The following NSA2 variants were observed in gnomAD, a reference collection of about 807,000 sequenced individuals.
The protein encoded by NSA2 is NSA2 ribosome biogenesis factor.
A neutral mutation model predicts 34.8 loss-of-function variants in NSA2; 18 were observed. The observed-to-expected ratio is 0.52, with a 90% CI of 0.36 to 0.77. The LOEUF (loss-of-function observed/expected upper bound fraction) is 0.77. NSA2 is among the 30% of genes least tolerant of loss of function. The pLI is 0.00. For missense variants in NSA2, 188 were observed against 314.7 expected (o/e 0.60, Z 3.05); for synonymous variants, 79 against 100.2 (o/e 0.79, Z 1.26).
In NSA2 at chr5:74,776,782, T is replaced by G. The variant is rs1398357097; in HGVS notation, c.*111T>G. The G allele has an allele frequency of 1.6e-6, 1 of 630,052 alleles. No individual in the cohort carries two copies. The highest frequency in any genetic ancestry group is 2.7e-5 in the East Asian group (1 of 37,100). 39.0% of individuals were successfully genotyped at this position (630,052 alleles called of 1,614,324 possible). The stretch of plus-strand genomic sequence containing the variant: ...GCCATACATGTCTGCAATGAAGAGA[T>G]TTATTAAATTGTAAACATTAAAGTG... On this transcript the variant is annotated 3_prime_UTR_variant, in exon 6 of 6. Coordinates refer to ENST00000610426, the MANE Select transcript of NSA2 (RefSeq NM_014886.6).
Position 74,777,548 on chromosome 5 carries a change from TATTAC to T in NSA2, c.*882_*886del, listed in dbSNP as rs1340650689. The T allele has an allele frequency of 6.6e-6, 1 of 152,096 alleles. No individual in the cohort carries two copies. Among genetic ancestry groups the T allele is most frequent in the African/African-American group, 2.4e-5 (1 of 41,446 alleles). 9.4% of individuals were successfully genotyped at this position (152,096 alleles called of 1,614,324 possible). ...ATGTTGTGGTTTTAAGGATGGCGTATATTACATTAATCTATAATCACCACATTGTT... is the reference window on the plus strand; with the variant it reads ...ATGTTGTGGTTTTAAGGATGGCGTATATTAATCTATAATCACCACATTGTT... On this transcript the variant is annotated 3_prime_UTR_variant, in exon 6 of 6. Coordinates refer to ENST00000610426, the MANE Select transcript of NSA2 (RefSeq NM_014886.6).
chr5:74,767,302 A>G lies in NSA2; in HGVS notation c.-59A>G, dbSNP rs1744703679. ...TGGGCTTGTGGGTCTTTGAGACCCG[A>G]AAATTGAGAGCGTTTTCGCACTCCA... is the stretch of plus-strand genomic sequence containing the variant. On this transcript the variant is annotated 5_prime_UTR_variant, in exon 1 of 6. Transcript: ENST00000610426. The G allele has an allele frequency of 6.2e-7, 1 of 1,610,918 alleles. No homozygotes were observed. The highest frequency in any genetic ancestry group is 1.1e-5 in the South Asian group (1 of 90,978).
At chr5:74,773,206 ATTGTGT>A (rs1745001363) in intron 4 of NSA2, among the ~76,000 whole-genome samples, 3 of 152,054 alleles carry the variant, frequency 2.0e-5, no homozygotes, top group Non-Finnish European at 4.4e-5. Flanking sequence ...TTGTGAGGTT[ATTGTGT>A]TTAAGTGAGC....
chr5:74,773,723 A>G, intron 4 of NSA2, 145 bp from the exon 5 acceptor site: 1 of 627,778 alleles, frequency 1.6e-6, no homozygotes, highest in South Asian at 2.3e-5. Context: ...TACTCTGTAA[A>G]ACATATTTTG....
Position 74,776,609 on chromosome 5 carries a change from T to C in NSA2, c.721T>C (p.Tyr241His), listed in dbSNP as rs771192359. ...TTTGGTTTTGTTTTCCTTAGGAAAATATGCCCAGGTTACCAACAATCCTGA... is the reference window on the plus strand; with the variant it reads ...TTTGGTTTTGTTTTCCTTAGGAAAACATGCCCAGGTTACCAACAATCCTGA... ...TQGGKVIWGK[Y>H]AQVTNNPEND... The change falls in exon 6 of 6, where the codon TAT becomes CAT. Residue 241 changes from tyrosine to histidine, a missense_variant. By Grantham distance (83) the Tyr-to-His change is moderately conservative (BLOSUM62 2). Transcript: ENST00000610426. 1.3e-6 allele frequency: 2 copies of C among 1,582,796 alleles called. No individual in the cohort carries two copies. Among genetic ancestry groups the C allele is most frequent in the South Asian group, 1.1e-5 (1 of 90,366 alleles).
chr5:74,769,406 T>C (rs1261327689), intron 3 of NSA2, 42 bp downstream of exon 3: 3 of 1,506,686 alleles, frequency 2.0e-6, no homozygotes, highest in Non-Finnish European at 2.7e-6. Context: ...TTTAGGAGAA[T>C]TACTTAAATT....
Position 74,777,962 on chromosome 5 carries a change from TTGA to T in NSA2, c.*1295_*1297del, listed in dbSNP as rs1398277386. On this transcript the variant is annotated 3_prime_UTR_variant, in exon 6 of 6. Transcript: ENST00000610426. ...TGACGATCCAGGATGATACAATCAC[TTGA>T]TGACAGAAGGTAAGCCTTTCTTACA... The T allele has an allele frequency of 6.6e-6, 1 of 152,038 alleles. No individual in the cohort carries two copies. The highest frequency in any genetic ancestry group is 1.9e-4 in the East Asian group (1 of 5,202). 9.4% of individuals were successfully genotyped at this position (152,038 alleles called of 1,614,324 possible).
intron 4 of NSA2, 103 bp from the exon 5 acceptor site, chr5:74,773,763 CAT>C: frequency 1.2e-6 from 1 of 803,744 alleles, no homozygotes; most frequent in Non-Finnish European, 1.9e-6. Flanking sequence ...ATTATTCAAC[CAT>C]AGTTTTTTGG....
chr5:74,779,899 G>C lies in NSA2; in HGVS notation c.*3228G>C, dbSNP rs1364353057. 6.6e-6 allele frequency: 1 copy of C among 152,102 alleles called. No homozygotes were observed. The highest frequency in any genetic ancestry group is 2.4e-5 in the African/African-American group (1 of 41,424). 9.4% of individuals were successfully genotyped at this position (152,102 alleles called of 1,614,324 possible). A position where few individuals can be genotyped will look rare whatever the true frequency, so the allele number is the denominator to read the frequency against. ...AATACACTTTCAACATCAGTCCTTA[G>C]CTACCTCAAATAATGACACAAAGTC... On this transcript the variant is annotated 3_prime_UTR_variant, in exon 6 of 6. Coordinates refer to ENST00000610426, the MANE Select transcript of NSA2 (RefSeq NM_014886.6).
In NSA2 at chr5:74,770,863, C is replaced by T. The variant is rs7707497; in HGVS notation, c.522+53C>T. On this transcript the variant is annotated intron_variant, in intron 4 of 5. Transcript: ENST00000610426. ...GAAATGTTAGTTGACTTTATTAAAT[C>T]GGATAAAGAACATTATCATTTCCTG... The T allele has an allele frequency of 5.1e-4, 639 of 1,257,330 alleles. 2 individuals carry two copies. The African/African-American group carries it at 8.7e-3, about 17-fold the overall frequency. The allele number at this position is 1,257,330 out of a possible 1,614,324, so 77.9% of individuals were successfully genotyped here.
chr5:74,776,135 G>A lies in NSA2; in HGVS notation c.716-469G>A, dbSNP rs1038328691. ...TCAGAACTCAAATTTGTCCTTAAAT[G>A]ATTGAATTTTGTAAAATCTCATTTA... On this transcript the variant is annotated intron_variant, in intron 5 of 5. Transcript: ENST00000610426. 2.0e-5 allele frequency among the ~76,000 whole-genome samples: 3 copies of A among 152,184 alleles called. No individual in the cohort carries two copies. The East Asian group carries it at 5.8e-4, about 29-fold the overall frequency.
In NSA2 at chr5:74,776,843, G is replaced by A. The variant is rs962481971; in HGVS notation, c.*172G>A. The A allele has an allele frequency of 1.3e-5, 6 of 458,224 alleles. No homozygotes were observed. Among genetic ancestry groups the A allele is most frequent in the Admixed American group, 8.1e-5 (2 of 24,844 alleles). The allele number at this position is 458,224 out of a possible 1,614,324, so 28.4% of individuals were successfully genotyped here. On this transcript the variant is annotated 3_prime_UTR_variant, in exon 6 of 6. Coordinates refer to ENST00000610426, the MANE Select transcript of NSA2 (RefSeq NM_014886.6). ...ATAAATGGTCTTTATTTTGAAATAC[G>A]CTTTGACCCCATGTTCATAAAACTG...
chr5:74,775,899 T>C (rs1017849026), intron 5 of NSA2, among the ~76,000 whole-genome samples: 4 of 152,192 alleles, frequency 2.6e-5, no homozygotes, highest in African/African-American at 7.2e-5. Context: ...TCTTCAGTCA[T>C]TGGTTTATAC....
chr5:74,771,195 G>A (rs898446920), intron 4 of NSA2, among the ~76,000 whole-genome samples: 2 of 151,310 alleles, frequency 1.3e-5, no homozygotes, highest in Non-Finnish European at 2.9e-5. Context: ...CAGGAGAATC[G>A]CTTGAACCTG....
At position 74,779,105 on chromosome 5, in the gene NSA2, G is replaced by A. The variant is rs966948164; in HGVS notation, c.*2434G>A. On this transcript the variant is annotated 3_prime_UTR_variant, in exon 6 of 6. Transcript: ENST00000610426. ...TGTAACAGAAGTGTTCTTGTGTGCT[G>A]AACAAAAAACTTCTAAATTGTTTAC... The A allele has an allele frequency of 2.0e-5, 3 of 152,000 alleles. No individual in the cohort carries two copies. Among genetic ancestry groups the A allele is most frequent in the African/African-American group, 7.2e-5 (3 of 41,412 alleles). 9.4% of individuals were successfully genotyped at this position (152,000 alleles called of 1,614,324 possible). A position where few individuals can be genotyped will look rare whatever the true frequency, so the allele number is the denominator to read the frequency against.
intron 4 of NSA2, 149 bp downstream of exon 4, chr5:74,770,959 A>T (rs1744902357): frequency 1.4e-6 from 1 of 706,870 alleles, no homozygotes; most frequent in Admixed American, 3.6e-5. Flanking sequence ...TATTGACAGA[A>T]GTTATTTAGT....
At chr5:74,772,250 G>C (rs1280238300) in intron 4 of NSA2, among the ~76,000 whole-genome samples, 3 of 150,412 alleles carry the variant, frequency 2.0e-5, no homozygotes, top group East Asian at 2.0e-4. Flanking sequence ...TCAGCCTCCC[G>C]AGTAGCTGGG....
intron 5 of NSA2, among the ~76,000 whole-genome samples, chr5:74,775,281 A>G (rs944970807): frequency 6.6e-6 from 1 of 152,124 alleles, no homozygotes; most frequent in Non-Finnish European, 1.5e-5. Flanking sequence ...ATTCCCATTA[A>G]CAGGTCTCAG....
intron 5 of NSA2, among the ~76,000 whole-genome samples, chr5:74,776,274 C>T (rs778322611): frequency 5.9e-5 from 9 of 152,152 alleles, no homozygotes; most frequent in South Asian, 2.1e-4. Flanking sequence ...CCAAGGCAGG[C>T]GGATCATTTG....
Sources: allele counts gnomAD v4.1 joint callset (sites outside exome capture counted in the v4.1 genomes callset), GRCh38; gene constraint gnomAD v4.1.1; transcripts MANE v1.5; gene names NCBI Gene and HGNC (gene_info 2026-07-23, HGNC 2026-07-21).